The following APBB2 variants were observed in gnomAD, a reference collection of about 807,000 sequenced individuals.
APBB2 encodes Fe65-like 1.
APBB2 carries 38 observed loss-of-function variants against 82.5 expected under a neutral mutation model. The ratio of observed to expected loss-of-function variants is 0.46; its 90% CI spans 0.36 to 0.60. The LOEUF is 0.60. Among genes scored for constraint, APBB2 ranks in the 20% least tolerant of loss-of-function variants. APBB2 has a pLI of 0.00. For missense variants in APBB2, 772 were observed against 972.3 expected (o/e 0.79, Z 2.74); for synonymous variants, 341 against 368.2 (o/e 0.93, Z 0.85).
At chr4:41,184,976 A>G (rs1225740729) in intron 1 of APBB2, among the ~76,000 whole-genome samples, 1 of 152,236 alleles carries the variant, frequency 6.6e-6, no homozygotes, top group Non-Finnish European at 1.5e-5. Flanking sequence ...ACTCCATTTC[A>G]GCGTCCGCCT....
chr4:40,991,333 A>T (rs967799602), intron 6 of APBB2, among the ~76,000 whole-genome samples: 1 of 151,338 alleles, frequency 6.6e-6, no homozygotes, highest in Non-Finnish European at 1.5e-5. Context: ...TGATTTTTAA[A>T]TTTTTTATTT....
chr4:41,045,582 G>A (rs1182234419), intron 4 of APBB2, among the ~76,000 whole-genome samples: 1 of 152,146 alleles, frequency 6.6e-6, no homozygotes, highest in African/African-American at 2.4e-5. Context: ...GTGAGCCACC[G>A]TGCCTGGCAG....
chr4:40,962,522 C>T (rs1172664145), intron 6 of APBB2, among the ~76,000 whole-genome samples: 1 of 152,114 alleles, frequency 6.6e-6, no homozygotes. Flanking sequence ...AAAGCAAAGA[C>T]CAGACTTCTT....
At chr4:41,209,825 C>CA (rs1313589102) in intron 1 of APBB2, among the ~76,000 whole-genome samples, 8 of 151,956 alleles carry the variant, frequency 5.3e-5, no homozygotes, top group African/African-American at 9.7e-5. Context: ...AGGAATTGGG[C>CA]AAAAAAAGAA....
At chr4:40,976,982 G>A (rs578240894) in intron 6 of APBB2, among the ~76,000 whole-genome samples, 2 of 152,240 alleles carry the variant, frequency 1.3e-5, no homozygotes, top group South Asian at 2.1e-4. Context: ...CCAGGAGGTC[G>A]AGGCTACAGT....
chr4:40,897,442 C>A (rs941310090), intron 10 of APBB2, among the ~76,000 whole-genome samples: 5 of 151,746 alleles, frequency 3.3e-5, no homozygotes, highest in African/African-American at 1.2e-4. Flanking sequence ...CGTTTGAACC[C>A]GGGAGGCGGA....
intron 5 of APBB2, among the ~76,000 whole-genome samples, chr4:41,017,579 G>A (rs1023469006): frequency 6.6e-6 from 1 of 152,224 alleles, no homozygotes; most frequent in African/African-American, 2.4e-5. Context: ...TACATGACAA[G>A]TAAACTTGCC....
At chr4:41,197,358 A>G in intron 1 of APBB2, among the ~76,000 whole-genome samples, 3 of 152,220 alleles carry the variant, frequency 2.0e-5, no homozygotes, top group Non-Finnish European at 4.4e-5. Flanking sequence ...CTTAATGCTT[A>G]TCTTCCAATA....
At chr4:41,110,471 C>G (rs4861373) in intron 2 of APBB2, among the ~76,000 whole-genome samples, 1 of 151,754 alleles carries the variant, frequency 6.6e-6, no homozygotes, top group Non-Finnish European at 1.5e-5. Context: ...TGTGTGGTGA[C>G]GGGCACCTGT....
chr4:41,083,958 C>A (rs549756762), intron 3 of APBB2, among the ~76,000 whole-genome samples: 1 of 151,964 alleles, frequency 6.6e-6, no homozygotes, highest in South Asian at 2.1e-4. Context: ...TCAGTGATTG[C>A]AAGATATATC....
At chr4:41,064,343 T>A (rs1048344802) in intron 4 of APBB2, among the ~76,000 whole-genome samples, 2 of 152,114 alleles carry the variant, frequency 1.3e-5, no homozygotes, top group Non-Finnish European at 2.9e-5. Context: ...AGCCATAACT[T>A]TCCTATAAAG....
At chr4:41,039,623 C>T (rs1259429020) in intron 4 of APBB2, among the ~76,000 whole-genome samples, 1 of 152,104 alleles carries the variant, frequency 6.6e-6, no homozygotes, top group African/African-American at 2.4e-5. Context: ...CTTTCAAAGG[C>T]CTAGGCAGGC....
At chr4:40,949,013 T>A (rs1411642617) in intron 6 of APBB2, among the ~76,000 whole-genome samples, 1 of 151,988 alleles carries the variant, frequency 6.6e-6, no homozygotes, top group Non-Finnish European at 1.5e-5. Context: ...GCACGGTGGC[T>A]CATGCCTATA....
intron 10 of APBB2, among the ~76,000 whole-genome samples, chr4:40,920,513 G>C (rs930539643): frequency 6.6e-6 from 1 of 152,156 alleles, no homozygotes; most frequent in South Asian, 2.1e-4. Context: ...TTAAGGAACA[G>C]AACTCCCACC....
intron 2 of APBB2, among the ~76,000 whole-genome samples, chr4:41,110,003 A>AT (rs1476774950): frequency 1.3e-5 from 2 of 152,110 alleles, no homozygotes; most frequent in African/African-American, 4.8e-5. Flanking sequence ...GATGAGACAA[A>AT]TTTTATCATC....
chr4:41,053,415 C>T (rs1026571822), intron 4 of APBB2, among the ~76,000 whole-genome samples: 4 of 152,050 alleles, frequency 2.6e-5, no homozygotes, highest in Admixed American at 2.6e-4. Context: ...TTCTCCCTAC[C>T]CCTCAATTTA....
chr4:41,155,003 C>A (rs11946786), intron 1 of APBB2, among the ~76,000 whole-genome samples: 7,447 of 152,216 alleles, frequency 0.049, 397 homozygotes, highest in African/African-American at 0.13. Flanking sequence ...CCCAGTGTGG[C>A]CACCCGATCC....
chr4:41,065,447 T>C (rs1731379311), intron 4 of APBB2, 129 bp downstream of exon 4: 1 of 152,224 alleles, frequency 6.6e-6, no homozygotes, highest in Admixed American at 6.5e-5. Flanking sequence ...CCTAGAGCAA[T>C]CCATTCTCTT....
intron 1 of APBB2, among the ~76,000 whole-genome samples, chr4:41,143,646 C>CA (rs1194997392): frequency 2.0e-5 from 3 of 152,028 alleles, no homozygotes; most frequent in African/African-American, 4.8e-5. Flanking sequence ...AAGGGCACCA[C>CA]AAAAAGACAC....
Sources: gnomAD v4.1 joint callset for allele counts (sites outside exome capture counted in the v4.1 genomes callset) on GRCh38, gnomAD v4.1.1 for gene constraint, MANE v1.5 for transcripts, NCBI Gene and HGNC (gene_info 2026-07-23, HGNC 2026-07-21) for gene names.